Variants in LAMA2 observed in about 807,000 individuals in gnomAD.
LAMA2 encodes laminin subunit alpha 2.
LAMA2 carries 269 observed loss-of-function variants against 364.8 expected under a neutral mutation model. That is an observed-to-expected ratio of 0.74 (90% CI 0.67 to 0.82). LAMA2 has a LOEUF of 0.82. Among genes scored for constraint, LAMA2 ranks in the 40% least tolerant of loss-of-function variants. The probability of loss-of-function intolerance (pLI) is 0.00; values close to 1 mark genes in which losing one functional copy is unlikely to be tolerated. For synonymous variants in LAMA2, 1,379 were observed against 1,370.6 expected (o/e 1.01, Z -0.14); for missense variants, 3,807 against 3,873.2 (o/e 0.98, Z 0.45).
intron 1 of LAMA2, among the ~76,000 whole-genome samples, chr6:128,953,962 A>G (rs1780997065): frequency 6.6e-6 from 1 of 152,128 alleles, no homozygotes; most frequent in African/African-American, 2.4e-5. Context: ...TAATCTTCAA[A>G]AAGTTTAGGG....
intron 1 of LAMA2, among the ~76,000 whole-genome samples, chr6:128,910,654 G>A (rs187157440): frequency 5.8e-4 from 89 of 152,292 alleles, no homozygotes; most frequent in African/African-American, 1.9e-3. Flanking sequence ...GTCGTTCTCC[G>A]TCTAGCTTCG....
In LAMA2 at chr6:129,267,162, G is replaced by T; in HGVS notation, c.2265G>T (p.Glu755Asp). 4 of 1,613,462 alleles carry T rather than the reference G, an allele frequency of 2.5e-6. No homozygotes were observed. Among genetic ancestry groups the T allele is most frequent in the Non-Finnish European group, 3.4e-6 (4 of 1,179,522 alleles). ...VNGTIFGGICEPCQCFGHAES... is the reference protein window; with the variant it reads ...VNGTIFGGICDPCQCFGHAES... ...GCACTATTTTTGGTGGCATCTGTGA[G>T]CCATGTCAGTGCTTTGGTCATGCGG... The change falls in exon 16 of 65, where the codon GAG becomes GAT. Residue 755 changes from glutamate (E) to aspartate (D), a missense_variant. Glu to Asp is a conservative substitution (Grantham distance 45). Around this residue, in one of 3 missense-constraint regions of LAMA2, gnomAD observed 3,333 missense variants for 3,345.7 expected, o/e 1.00. Coordinates refer to ENST00000421865, the MANE Select transcript of LAMA2 (RefSeq NM_000426.4).
At chr6:129,064,131 G>A (rs1005629238) in intron 3 of LAMA2, among the ~76,000 whole-genome samples, 2 of 151,436 alleles carry the variant, frequency 1.3e-5, no homozygotes, top group African/African-American at 4.9e-5. Flanking sequence ...AGGGAATTTT[G>A]GAAAATTCAC....
At chr6:129,499,336 G>C (rs1002846232) in intron 58 of LAMA2, among the ~76,000 whole-genome samples, 1 of 152,024 alleles carries the variant, frequency 6.6e-6, no homozygotes, top group African/African-American at 2.4e-5. Flanking sequence ...CACAGGTAAA[G>C]CATCACATCC....
chr6:129,478,145 A>G (rs1362335384), intron 53 of LAMA2, among the ~76,000 whole-genome samples: 1 of 152,160 alleles, frequency 6.6e-6, no homozygotes, highest in African/African-American at 2.4e-5. Flanking sequence ...ATCCAAAAGA[A>G]TGTTTCTTGG....
chr6:129,461,480 TG>T (rs1365227526), intron 49 of LAMA2, among the ~76,000 whole-genome samples: 2 of 152,034 alleles, frequency 1.3e-5, no homozygotes, highest in Non-Finnish European at 2.9e-5. Flanking sequence ...AAATTTAACA[TG>T]GAAGGTTGTC....
chr6:128,931,439 G>A (rs952139781), intron 1 of LAMA2, among the ~76,000 whole-genome samples: 3 of 152,098 alleles, frequency 2.0e-5, no homozygotes, highest in Admixed American at 6.6e-5. Flanking sequence ...ATGAATGAAC[G>A]AATGAAATTA....
At chr6:129,498,073 C>CTGTT (rs1307191699) in intron 58 of LAMA2, among the ~76,000 whole-genome samples, 3 of 152,206 alleles carry the variant, frequency 2.0e-5, no homozygotes, top group African/African-American at 7.2e-5. Context: ...AGTATGTGCA[C>CTGTT]TGTTTAGACC....
chr6:129,022,112 G>T (rs973047018), intron 1 of LAMA2, among the ~76,000 whole-genome samples: 1 of 152,158 alleles, frequency 6.6e-6, no homozygotes, highest in Non-Finnish European at 1.5e-5. Flanking sequence ...AGACTAAGTG[G>T]TTTTGCCATT....
intron 3 of LAMA2, among the ~76,000 whole-genome samples, chr6:129,061,011 G>A (rs1025434277): frequency 6.6e-6 from 1 of 152,170 alleles, no homozygotes; most frequent in African/African-American, 2.4e-5. Flanking sequence ...TGTCAGTCCT[G>A]AGTTAATAAT....
intron 12 of LAMA2, among the ~76,000 whole-genome samples, chr6:129,230,662 G>T (rs1664677355): frequency 6.6e-6 from 1 of 152,112 alleles, no homozygotes; most frequent in Non-Finnish European, 1.5e-5. Context: ...AGGGATCTAT[G>T]TGAGTTTAGT....
At chr6:129,453,281 A>G in intron 46 of LAMA2, 150 bp downstream of exon 46, 4 of 735,004 alleles carry the variant, frequency 5.4e-6, no homozygotes, top group Non-Finnish European at 9.3e-6. Flanking sequence ...TTACCTTACA[A>G]AATTCTGAAG....
At chr6:129,172,392 C>G (rs886121380) in intron 9 of LAMA2, among the ~76,000 whole-genome samples, 2 of 152,184 alleles carry the variant, frequency 1.3e-5, no homozygotes, top group Non-Finnish European at 2.9e-5. Context: ...TTCCTTCTAA[C>G]AGACAGGAAC....
chr6:129,183,303 G>A (rs1177002554), intron 10 of LAMA2, among the ~76,000 whole-genome samples: 1 of 151,822 alleles, frequency 6.6e-6, no homozygotes, highest in Non-Finnish European at 1.5e-5. Flanking sequence ...AAATCAGTTG[G>A]TATGTAGAAT....
At chr6:128,886,465 C>T (rs1053020329) in intron 1 of LAMA2, among the ~76,000 whole-genome samples, 21 of 152,096 alleles carry the variant, frequency 1.4e-4, no homozygotes, top group African/African-American at 4.6e-4. Flanking sequence ...TTACACAAAA[C>T]TCATAGAAGC....
At chr6:129,046,613 C>A (rs897960814) in intron 1 of LAMA2, among the ~76,000 whole-genome samples, 3 of 152,156 alleles carry the variant, frequency 2.0e-5, no homozygotes, top group Admixed American at 6.5e-5. Flanking sequence ...GGGACACAGC[C>A]AAACCATATC....
At chr6:129,214,602 G>A (rs1252563412) in intron 12 of LAMA2, among the ~76,000 whole-genome samples, 1 of 152,120 alleles carries the variant, frequency 6.6e-6, no homozygotes, top group Non-Finnish European at 1.5e-5. Context: ...TCATGCGGGT[G>A]TATTTCTGGG....
At chr6:129,004,836 T>G (rs1190602200) in intron 1 of LAMA2, among the ~76,000 whole-genome samples, 1 of 151,570 alleles carries the variant, frequency 6.6e-6, no homozygotes, top group Non-Finnish European at 1.5e-5. Flanking sequence ...CATAATATTC[T>G]ATTAACCAGC....
At chr6:128,897,661 T>C (rs768262267) in intron 1 of LAMA2, among the ~76,000 whole-genome samples, 2 of 152,230 alleles carry the variant, frequency 1.3e-5, no homozygotes, top group Non-Finnish European at 2.9e-5. Flanking sequence ...ATTTTGTTGT[T>C]ATAGCTTTTC....
Sources: gnomAD v4.1 joint callset for allele counts (sites outside exome capture counted in the v4.1 genomes callset) on GRCh38, gnomAD v4.1.1 for gene constraint, gnomAD v4.1.1 regional missense constraint, MANE v1.5 for transcripts, NCBI Gene and HGNC (gene_info 2026-07-23, HGNC 2026-07-21) for gene names.